Variants in MAN2A1 observed in about 807,000 individuals in gnomAD.
The protein encoded by MAN2A1 is alpha-mannosidase 2.
Under a neutral mutation model 142.6 loss-of-function variants are expected in MAN2A1, and 76 were observed. The observed-to-expected ratio is 0.53, with a 90% CI of 0.44 to 0.65. The LOEUF is 0.65. Ranked by LOEUF, MAN2A1 falls within the 30% of genes least tolerant of loss-of-function variation. The pLI is 0.00. For missense variants in MAN2A1, 1,311 were observed against 1,365.1 expected, an observed-to-expected ratio of 0.96 and a Z score of 0.62; for synonymous variants, 559 against 473.2, an observed-to-expected ratio of 1.18 and a Z score of -2.35.
At chr5:109,724,363 A>G (rs1751687303) in intron 3 of MAN2A1, among the ~76,000 whole-genome samples, 1 of 152,156 alleles carries the variant, frequency 6.6e-6, no homozygotes, top group Non-Finnish European at 1.5e-5. Context: ...AGAAGCCCAA[A>G]CCTCAACATC....
At chr5:109,737,569 G>A (rs1752140707) in intron 4 of MAN2A1, among the ~76,000 whole-genome samples, 1 of 151,808 alleles carries the variant, frequency 6.6e-6, no homozygotes, top group South Asian at 2.1e-4. Flanking sequence ...TACAACTACT[G>A]TTTTTATCTT....
At chr5:109,782,902 CTA>C (rs1179261114) in intron 9 of MAN2A1, among the ~76,000 whole-genome samples, 3 of 151,818 alleles carry the variant, frequency 2.0e-5, no homozygotes, top group African/African-American at 7.3e-5. Context: ...TTCAAAATAA[CTA>C]AAAGTAGAAT....
intron 4 of MAN2A1, among the ~76,000 whole-genome samples, chr5:109,739,170 T>G (rs1168375502): frequency 6.6e-6 from 1 of 152,040 alleles, no homozygotes; most frequent in Non-Finnish European, 1.5e-5. Flanking sequence ...TAACTGTAAT[T>G]TTTTTTTCTC....
chr5:109,819,950 A>G (rs1048381345), intron 14 of MAN2A1, 63 bp downstream of exon 14: 1 of 1,188,618 alleles, frequency 8.4e-7, no homozygotes, highest in Non-Finnish European at 1.2e-6. Context: ...ATGTGTGTAG[A>G]TTAATTAGGC....
At chr5:109,700,175 C>G (rs1385330050) in intron 1 of MAN2A1, among the ~76,000 whole-genome samples, 1 of 151,964 alleles carries the variant, frequency 6.6e-6, no homozygotes, top group Non-Finnish European at 1.5e-5. Flanking sequence ...GTTATTGATT[C>G]CTGTCTCTTG....
At position 109,743,005 on chromosome 5, in the gene MAN2A1, G is replaced by T. The variant is rs369770410; in HGVS notation, c.708-12324G>T. Among the ~76,000 whole-genome samples the T allele has an allele frequency of 5.3e-5, 8 of 152,238 alleles. No individual in the cohort carries two copies. In the East Asian group the frequency reaches 9.7e-4, roughly 18 times the overall value. ...GTAAAAGCCATGAGGGACTTCTCAG[G>T]TGCTCTGCCCATCCCTTGGATACTT... On this transcript the variant is annotated intron_variant, in intron 4 of 21. Transcript: ENST00000261483.
intron 5 of MAN2A1, among the ~76,000 whole-genome samples, chr5:109,759,385 T>TAC (rs1752775672): frequency 6.6e-6 from 1 of 152,198 alleles, no homozygotes; most frequent in African/African-American, 2.4e-5. Flanking sequence ...TATGTAGAAA[T>TAC]ACAATTGATT....
rs555549985 is a variant in MAN2A1 at position 109,733,295 on chromosome 5, A to G, written c.707+3782A>G. Reference sequence around the variant, plus strand: ...GATGGGGTTTTCTAGATATACAATCATGTCGTCTGCAAACAGGGACAATGT... The same window carrying G: ...GATGGGGTTTTCTAGATATACAATCGTGTCGTCTGCAAACAGGGACAATGT... On this transcript the variant is annotated intron_variant, in intron 4 of 21. Coordinates refer to ENST00000261483, the MANE Select transcript of MAN2A1 (RefSeq NM_002372.4). Among the ~76,000 whole-genome samples the G allele has an allele frequency of 1.5e-4, 23 of 152,348 alleles. 1 individual carries two copies. Among genetic ancestry groups the G allele is most frequent in the South Asian group, 4.1e-4 (2 of 4,830 alleles).
At chr5:109,814,913 G>A (rs1389325441) in intron 12 of MAN2A1, among the ~76,000 whole-genome samples, 3 of 152,090 alleles carry the variant, frequency 2.0e-5, no homozygotes, top group Non-Finnish European at 4.4e-5. Context: ...CATGCCAGTA[G>A]GGATTCTAGG....
chr5:109,811,655 A>G (rs1401567523), intron 12 of MAN2A1, among the ~76,000 whole-genome samples: 1 of 151,016 alleles, frequency 6.6e-6, no homozygotes, highest in Non-Finnish European at 1.5e-5. Context: ...ATGACATGCT[A>G]TTACATACCT....
At chr5:109,701,538 A>G (rs2112545416) in intron 1 of MAN2A1, among the ~76,000 whole-genome samples, 1 of 152,296 alleles carries the variant, frequency 6.6e-6, no homozygotes, top group South Asian at 2.1e-4. Context: ...GTGTGAGAGA[A>G]TTAATTTTGT....
intron 15 of MAN2A1, among the ~76,000 whole-genome samples, chr5:109,821,815 T>G (rs1754630154): frequency 6.6e-6 from 1 of 152,148 alleles, no homozygotes; most frequent in Admixed American, 6.5e-5. Flanking sequence ...TCCCTATATG[T>G]TGTAAAATTT....
In MAN2A1 at chr5:109,789,024, C is replaced by T; in HGVS notation, c.1851C>T (p.Tyr617=). 6.3e-7 allele frequency: 1 copy of T among 1,588,348 alleles called. No individual in the cohort carries two copies. Among genetic ancestry groups the T allele is most frequent in the Non-Finnish European group, 8.6e-7 (1 of 1,159,134 alleles). Residue 617 remains tyrosine, a synonymous_variant, in exon 11 of 22, where the codon TAC becomes TAT. Transcript: ENST00000261483. ...AGGACAAACTCACATACGACTCTTA[C>T]TCTCCTGATACCTTCCTGGAGATGG... ...ILKDKLTYDS[Y]SPDTFLEMDL...
intron 4 of MAN2A1, among the ~76,000 whole-genome samples, chr5:109,737,741 A>G (rs1310621215): frequency 1.3e-5 from 2 of 152,168 alleles, no homozygotes; most frequent in African/African-American, 4.8e-5. Flanking sequence ...TGGAAACCTA[A>G]TAAAGATGCT....
intron 12 of MAN2A1, among the ~76,000 whole-genome samples, chr5:109,799,808 G>A (rs1467005800): frequency 6.6e-6 from 1 of 150,624 alleles, no homozygotes; most frequent in Non-Finnish European, 1.5e-5. Flanking sequence ...TCCAATCTTG[G>A]CCGGGCATGG....
At chr5:109,843,436 G>A (rs1362794176) in intron 17 of MAN2A1, among the ~76,000 whole-genome samples, 1 of 152,172 alleles carries the variant, frequency 6.6e-6, no homozygotes, top group African/African-American at 2.4e-5. Context: ...TACAATTCAA[G>A]ATGAGATTTG....
chr5:109,755,546 AT>A lies in MAN2A1; in HGVS notation c.835+94del, dbSNP rs1026284718. On this transcript the variant is annotated intron_variant, in intron 5 of 21. Coordinates refer to ENST00000261483, the MANE Select transcript of MAN2A1 (RefSeq NM_002372.4). Reference sequence around the variant, plus strand: ...GGCTCTGTTCTTTTTTCGAGTAACTATTTTCCCTGTTAGTCATTATTGTTGA... The same window carrying A: ...GGCTCTGTTCTTTTTTCGAGTAACTATTTCCCTGTTAGTCATTATTGTTGA... The A allele has an allele frequency of 4.7e-5, 45 of 965,466 alleles. No individual in the cohort carries two copies. The African/African-American group carries it at 7.1e-4, about 15-fold the overall frequency. 59.8% of individuals were successfully genotyped at this position (965,466 alleles called of 1,614,324 possible).
intron 4 of MAN2A1, among the ~76,000 whole-genome samples, chr5:109,749,770 C>T (rs183128547): frequency 6.6e-6 from 1 of 151,986 alleles, no homozygotes; most frequent in Admixed American, 6.6e-5. Flanking sequence ...TTTTAATTAA[C>T]TTTCTCCACT....
intron 16 of MAN2A1, among the ~76,000 whole-genome samples, chr5:109,831,509 TTTAA>T (rs1327577323): frequency 6.6e-6 from 1 of 152,256 alleles, no homozygotes; most frequent in African/African-American, 2.4e-5. Flanking sequence ...TTATATATTT[TTTAA>T]TTGACTTGAA....
Sources: allele counts gnomAD v4.1 joint callset (sites outside exome capture counted in the v4.1 genomes callset), GRCh38; gene constraint gnomAD v4.1.1; transcripts MANE v1.5; gene names NCBI Gene and HGNC (gene_info 2026-07-23, HGNC 2026-07-21).